Variants in RMDN2 observed in about 807,000 individuals in gnomAD.
The protein encoded by RMDN2 is regulator of microtubule dynamics protein 2.
A neutral mutation model predicts 52.8 loss-of-function variants in RMDN2; 61 were observed. That is an observed-to-expected ratio of 1.16 (90% confidence interval 0.94 to 1.43). The LOEUF is 1.43. Ranked by LOEUF, RMDN2 falls within the 40% of genes most tolerant of loss-of-function variation. RMDN2 has a pLI of 0.00. For missense variants in RMDN2, 592 were observed against 475.3 expected, an observed-to-expected ratio of 1.25 and a Z score of -2.28; for synonymous variants, 180 against 153.1, an observed-to-expected ratio of 1.18 and a Z score of -1.30.
intron 10 of RMDN2, among the ~76,000 whole-genome samples, chr2:38,007,659 C>T (rs1046156151): frequency 1.3e-5 from 2 of 152,126 alleles, no homozygotes; most frequent in Non-Finnish European, 2.9e-5. Context: ...AAAATCAGCT[C>T]CTGGATTCAT....
At chr2:37,957,430 G>T (rs1418335717) in intron 2 of RMDN2, among the ~76,000 whole-genome samples, 1 of 151,862 alleles carries the variant, frequency 6.6e-6, no homozygotes, top group African/African-American at 2.4e-5. Context: ...TTTTTCGTAT[G>T]TTTGTTGGCT....
downstream of RMDN2, among the ~76,000 whole-genome samples, chr2:38,020,619 C>T (rs1328341595): frequency 6.6e-6 from 1 of 152,210 alleles, no homozygotes; most frequent in Non-Finnish European, 1.5e-5. Flanking sequence ...GCCAGCCGGC[C>T]CTGCCGGCCC....
intron 10 of RMDN2, among the ~76,000 whole-genome samples, chr2:38,060,041 G>C (rs1053735211): frequency 2.6e-4 from 40 of 151,778 alleles, no homozygotes; most frequent in African/African-American, 9.4e-4. Context: ...GGGACTACAG[G>C]TGTGTGCCAC....
chr2:37,984,297 A>G (rs1413444038), intron 5 of RMDN2, among the ~76,000 whole-genome samples: 2 of 152,202 alleles, frequency 1.3e-5, no homozygotes, highest in Non-Finnish European at 2.9e-5. Flanking sequence ...AAAGTGACCA[A>G]TGGATTTGCA....
chr2:37,972,259 AAAT>A (rs1334280967), intron 2 of RMDN2, among the ~76,000 whole-genome samples: 3 of 152,168 alleles, frequency 2.0e-5, no homozygotes, highest in Non-Finnish European at 4.4e-5. Flanking sequence ...ATTTTTATGT[AAAT>A]AATCATAACA....
chr2:38,009,528 A>T (rs1049455354), intron 10 of RMDN2, among the ~76,000 whole-genome samples: 11 of 152,096 alleles, frequency 7.2e-5, no homozygotes, highest in African/African-American at 2.2e-4. Context: ...TGCATTTGTC[A>T]CGTAGTTCTC....
intron 10 of RMDN2, among the ~76,000 whole-genome samples, chr2:38,057,585 C>T (rs780542341): frequency 1.4e-4 from 22 of 152,120 alleles, no homozygotes; most frequent in African/African-American, 5.1e-4. Context: ...ATATAGAAAC[C>T]ACTTTATTTG....
chr2:37,981,432 C>T (rs764297011), intron 5 of RMDN2, 89 bp downstream of exon 5: 234 of 812,594 alleles, frequency 2.9e-4, no homozygotes, highest in Non-Finnish European at 3.9e-4. Flanking sequence ...TTGACTCATA[C>T]GTTTAATCTG....
At chr2:37,937,173 A>T (rs184243553) in intron 2 of RMDN2, among the ~76,000 whole-genome samples, 1 of 151,988 alleles carries the variant, frequency 6.6e-6, no homozygotes, top group African/African-American at 2.4e-5. Flanking sequence ...TCTTTTCCCT[A>T]TTGCTGTTTT....
intron 2 of RMDN2, among the ~76,000 whole-genome samples, chr2:37,953,326 C>T (rs538663182): frequency 5.1e-4 from 78 of 152,062 alleles, no homozygotes; most frequent in South Asian, 1.4e-3. Context: ...TGAAACTCTC[C>T]ACCCATTAAA....
chr2:37,958,565 C>G (rs888956282), intron 2 of RMDN2, among the ~76,000 whole-genome samples: 1 of 150,842 alleles, frequency 6.6e-6, no homozygotes, highest in Non-Finnish European at 1.5e-5. Flanking sequence ...TCTAAATATA[C>G]AATTATGATA....
At chr2:38,060,708 T>C (rs1682010249) in intron 10 of RMDN2, among the ~76,000 whole-genome samples, 1 of 152,078 alleles carries the variant, frequency 6.6e-6, no homozygotes, top group Non-Finnish European at 1.5e-5. Flanking sequence ...GGGAGCTGAG[T>C]GGTGCTCTCA....
intron 5 of RMDN2, among the ~76,000 whole-genome samples, chr2:37,988,356 T>C (rs1023942129): frequency 2.0e-5 from 3 of 152,214 alleles, no homozygotes; most frequent in Non-Finnish European, 4.4e-5. Flanking sequence ...TGAGTAGTAG[T>C]GTATCCTAAT....
intron 2 of RMDN2, among the ~76,000 whole-genome samples, chr2:37,972,073 T>C (rs1163443199): frequency 1.3e-5 from 2 of 152,218 alleles, no homozygotes; most frequent in Non-Finnish European, 2.9e-5. Context: ...ATATCTTTTG[T>C]TAGATTTATT....
At chr2:37,995,716 C>G (rs977903168) in intron 7 of RMDN2, among the ~76,000 whole-genome samples, 2 of 152,104 alleles carry the variant, frequency 1.3e-5, no homozygotes, top group African/African-American at 4.8e-5. Context: ...AGAATGTGTG[C>G]TAAAATGGAC....
chr2:38,000,306 C>T (rs936582653), intron 8 of RMDN2, among the ~76,000 whole-genome samples: 2 of 152,238 alleles, frequency 1.3e-5, no homozygotes, highest in African/African-American at 4.8e-5. Flanking sequence ...CAGGCCATGA[C>T]CCAGACTCAT....
intron 10 of RMDN2, among the ~76,000 whole-genome samples, chr2:38,054,545 TAAAGA>T (rs1332731021): frequency 3.9e-5 from 6 of 152,208 alleles, no homozygotes; most frequent in Non-Finnish European, 8.8e-5. Context: ...GATGCATGGT[TAAAGA>T]AAAGACTAGA....
chr2:38,048,121 T>C (rs953134271), intron 10 of RMDN2, among the ~76,000 whole-genome samples: 1 of 152,248 alleles, frequency 6.6e-6, no homozygotes, highest in East Asian at 1.9e-4. Context: ...TTGGCAAGTA[T>C]GTTTGTGTGA....
At chr2:38,059,074 A>G (rs1007862708) in intron 10 of RMDN2, among the ~76,000 whole-genome samples, 6 of 152,218 alleles carry the variant, frequency 3.9e-5, no homozygotes, top group African/African-American at 1.4e-4. Context: ...CAATTATAGA[A>G]GCACTGTCCA....
Sources: allele counts gnomAD v4.1 joint callset (sites outside exome capture counted in the v4.1 genomes callset), GRCh38; gene constraint gnomAD v4.1.1; transcripts MANE v1.5; gene names NCBI Gene and HGNC (gene_info 2026-07-23, HGNC 2026-07-21).